DOK4: variants seen among roughly 807,000 people sequenced by gnomAD.
DOK4 encodes the protein downstream of tyrosine kinase 4.
DOK4 carries 26 observed loss-of-function variants against 40.1 expected under a neutral mutation model. The ratio of observed to expected loss-of-function variants is 0.65; its 90% CI spans 0.48 to 0.90. The LOEUF is 0.90. Ranked by LOEUF, DOK4 falls within the 40% of genes least tolerant of loss-of-function variation. DOK4 has a pLI of 0.00. For missense variants in DOK4, 392 were observed against 437.2 expected, an observed-to-expected ratio of 0.90 and a Z score of 0.92; for synonymous variants, 179 against 177.0, an observed-to-expected ratio of 1.01 and a Z score of -0.09.
chr16:57,474,037 A>T, exon 7 of DOK4: 1 of 1,614,004 alleles, frequency 6.2e-7, no homozygotes, highest in Non-Finnish European at 8.5e-7. Flanking sequence ...AGCATCACAC[A>T]TCCTGGGGAC....
chr16:57,474,177 G>A (rs538221642), intron 6 of DOK4, 138 bp from the exon 7 acceptor site: 20 of 1,127,462 alleles, frequency 1.8e-5, no homozygotes, highest in Admixed American at 4.5e-5. Flanking sequence ...CTGGGGGTCC[G>A]ACCACACGGT....
At chr16:57,475,808 C>T in intron 3 of DOK4, 42 bp downstream of exon 3, 1 of 1,549,410 alleles carries the variant, frequency 6.5e-7, no homozygotes, top group Non-Finnish European at 8.8e-7. Context: ...CCATCCCCCA[C>T]AGCCCTGCCA....
chr16:57,475,910 C>T, exon 3 of DOK4: 1 of 1,613,692 alleles, frequency 6.2e-7, no homozygotes, highest in Non-Finnish European at 8.5e-7. Flanking sequence ...GCCGCTGGGG[C>T]CCCTTGCTGG....
chr16:57,473,759 A>C, intron 7 of DOK4, 23 bp from the exon 8 acceptor site: 1 of 1,600,542 alleles, frequency 6.2e-7, no homozygotes, highest in Non-Finnish European at 8.5e-7. Context: ...GGAAGGGGTC[A>C]CTCCCATTAG....
chr16:57,483,219 G>A (rs536139804), intron 1 of DOK4, among the ~76,000 whole-genome samples: 2 of 152,226 alleles, frequency 1.3e-5, no homozygotes, highest in Non-Finnish European at 2.9e-5. Context: ...AGGCAGTGGG[G>A]TCAAGTGGTG....
chr16:57,484,461 G>C (rs1017684071), intron 1 of DOK4, among the ~76,000 whole-genome samples: 1 of 152,200 alleles, frequency 6.6e-6, no homozygotes, highest in Non-Finnish European at 1.5e-5. Flanking sequence ...GCCAAAACAT[G>C]GTGAGTCCCA....
exon 9 of DOK4, chr16:57,472,690 C>T (rs1228480283): frequency 1.3e-5 from 2 of 152,406 alleles, no homozygotes; most frequent in African/African-American, 4.8e-5. Context: ...TCTTCCCAGC[C>T]TACAAAGCAG....
chr16:57,473,544 C>T, intron 8 of DOK4, 49 bp from the exon 9 acceptor site: 1 of 1,614,232 alleles, frequency 6.2e-7, no homozygotes, highest in Non-Finnish European at 8.5e-7. Context: ...TCAAAAGACC[C>T]CTGCCCAATA....
chr16:57,485,428 G>T lies in DOK4; in HGVS notation c.-182+877C>A, dbSNP rs185147954. Among the ~76,000 whole-genome samples, 527 of 152,284 alleles carry T rather than the reference G, an allele frequency of 3.5e-3. 8 individuals carry two copies. Among genetic ancestry groups the T allele is most frequent in the Non-Finnish European group, 3.5e-3 (240 of 68,020 alleles). On this transcript the variant is annotated intron_variant, in intron 1 of 8. Coordinates refer to ENST00000340099, the Ensembl canonical transcript of DOK4. This position sits in a 1 kb window ranked among gnomAD's most constrained non-coding sequence, Gnocchi z 4.3. Reference sequence around the variant, plus strand: ...TTGGGGGTGGGGGCAGGAAGAGCCTGTACCAGCGCCACATCCCTCTGAAAG... The same window carrying T: ...TTGGGGGTGGGGGCAGGAAGAGCCTTTACCAGCGCCACATCCCTCTGAAAG...
chr16:57,476,003 AC>A, intron 2 of DOK4, 46 bp from the exon 3 acceptor site: 1 of 1,496,482 alleles, frequency 6.7e-7, no homozygotes, highest in Non-Finnish European at 9.1e-7. Flanking sequence ...GACCACTCCC[AC>A]CCCACCAGCA....
chr16:57,479,721 A>G lies in DOK4; in HGVS notation c.-181-33T>C. 2 of 506,892 alleles carry G rather than the reference A, an allele frequency of 3.9e-6. No homozygotes were observed. Among genetic ancestry groups the G allele is most frequent in the Non-Finnish European group, 7.0e-6 (2 of 284,136 alleles). 31.4% of individuals were successfully genotyped at this position (506,892 alleles called of 1,614,324 possible). A position where few individuals can be genotyped will look rare whatever the true frequency, so the allele number is the denominator to read the frequency against. ...TAAAAATGACAGGGAGATTAGAGAC[A>G]GTGACATCTTTCTCTTCCTCTCGCT... On this transcript the variant is annotated intron_variant, in intron 1 of 8. Transcript: ENST00000340099. This position sits in a 1 kb window ranked among gnomAD's most constrained non-coding sequence, Gnocchi z 5.8.
chr16:57,479,322 C>A lies in DOK4; in HGVS notation c.66+120G>T, dbSNP rs1567590686. On this transcript the variant is annotated intron_variant, in intron 2 of 8. Transcript: ENST00000340099. This position sits in a 1 kb window ranked among gnomAD's most constrained non-coding sequence, Gnocchi z 5.8. ...GCGAGGAGCCCCGAGACCACAGATGCACGATGCCCGGCAGCCGGAGGGCAG... is the reference window on the plus strand; with the variant it reads ...GCGAGGAGCCCCGAGACCACAGATGAACGATGCCCGGCAGCCGGAGGGCAG... The A allele has an allele frequency of 1.8e-6, 2 of 1,134,600 alleles. No homozygotes were observed. Among genetic ancestry groups the A allele is most frequent in the African/African-American group, 1.5e-5 (1 of 64,958 alleles). 70.3% of individuals were successfully genotyped at this position (1,134,600 alleles called of 1,614,324 possible).
At chr16:57,483,230 A>T (rs1464255985) in intron 1 of DOK4, among the ~76,000 whole-genome samples, 1 of 151,636 alleles carries the variant, frequency 6.6e-6, no homozygotes. Flanking sequence ...TCAAGTGGTG[A>T]GGGGGGGGCC....
chr16:57,479,360 C>T lies in DOK4; in HGVS notation c.66+82G>A, dbSNP rs564745606. 3.9e-5 allele frequency: 58 copies of T among 1,503,096 alleles called. No individual in the cohort carries two copies. Among genetic ancestry groups the T allele is most frequent in the Non-Finnish European group, 5.0e-5 (55 of 1,096,452 alleles). The allele number at this position is 1,503,096 out of a possible 1,614,324, so 93.1% of individuals were successfully genotyped here. ...AGCCGGAGGGCAGCCGCGTGCCCCA[C>T]GCGCCATGCCTCCAAGCCTGGGACC... On this transcript the variant is annotated intron_variant, in intron 2 of 8. Transcript: ENST00000340099. This position sits in a 1 kb window ranked among gnomAD's most constrained non-coding sequence, Gnocchi z 5.8.
At chr16:57,478,889 C>T (rs1403299350) in intron 2 of DOK4, among the ~76,000 whole-genome samples, 1 of 152,204 alleles carries the variant, frequency 6.6e-6, no homozygotes, top group Non-Finnish European at 1.5e-5. Flanking sequence ...GCCCAGCCAA[C>T]CACTCCCCTT....
chr16:57,473,264 C>T (rs761356786), exon 9 of DOK4: 86 of 1,442,756 alleles, frequency 6.0e-5, no homozygotes, highest in Non-Finnish European at 6.4e-5. Flanking sequence ...GGGCAGCTTG[C>T]TCCCTTTCTC....
Position 57,479,294 on chromosome 16 carries a change from C to G in DOK4, c.66+148G>C, listed in dbSNP as rs1175246516. On this transcript the variant is annotated intron_variant, in intron 2 of 8. Coordinates refer to ENST00000340099, the Ensembl canonical transcript of DOK4. This position sits in a 1 kb window ranked among gnomAD's most constrained non-coding sequence, Gnocchi z 5.8. Reference sequence around the variant, plus strand: ...GCCCAGGCACATGCCAGGCAGCACGCTGGCGAGGAGCCCCGAGACCACAGA... The same window carrying G: ...GCCCAGGCACATGCCAGGCAGCACGGTGGCGAGGAGCCCCGAGACCACAGA... 2 of 855,734 alleles carry G rather than the reference C, an allele frequency of 2.3e-6. No homozygotes were observed. The highest frequency in any genetic ancestry group is 3.4e-5 in the African/African-American group (2 of 58,838). The allele number at this position is 855,734 out of a possible 1,614,324, so 53.0% of individuals were successfully genotyped here.
intron 2 of DOK4, among the ~76,000 whole-genome samples, chr16:57,478,369 CA>C (rs56394032): frequency 0.76 from 112,109 of 147,390 alleles, 43,474 homozygotes; most frequent in African/African-American, 0.92. Flanking sequence ...GCATGCCCCC[CA>C]ACCCCACTCA....
intron 6 of DOK4, 111 bp downstream of exon 6, chr16:57,474,682 A>G (rs560598806): frequency 3.4e-4 from 458 of 1,337,774 alleles, no homozygotes; most frequent in Admixed American, 5.3e-4. Context: ...CCCCCTTGGG[A>G]TTGCTAGGCC....
Sources: gnomAD v4.1 joint callset for allele counts (sites outside exome capture counted in the v4.1 genomes callset) on GRCh38, gnomAD v4.1.1 for gene constraint, Gnocchi (gnomAD v3.1) non-coding constraint, MANE v1.5 for transcripts, NCBI Gene and HGNC (gene_info 2026-07-23, HGNC 2026-07-21) for gene names.